The following PTPRJ variants were observed in gnomAD, a reference collection of about 807,000 sequenced individuals.
The protein encoded by PTPRJ is protein tyrosine phosphatase receptor type J.
In PTPRJ, 129 loss-of-function variants were observed where a neutral mutation model predicts 141.3. That is an observed-to-expected ratio of 0.91 (90% confidence interval 0.79 to 1.06). PTPRJ has a LOEUF of 1.06. Among genes scored for constraint, PTPRJ ranks in the 50% least tolerant of loss-of-function variants. The pLI, the probability that PTPRJ is intolerant of heterozygous loss-of-function variation, is 0.00. For synonymous variants in PTPRJ, 610 were observed against 640.5 expected (o/e 0.95, Z 0.72); for missense variants, 1,601 against 1,679.7 (o/e 0.95, Z 0.82).
intron 1 of PTPRJ, among the ~76,000 whole-genome samples, chr11:48,073,035 C>T (rs1855301258): frequency 6.6e-6 from 1 of 152,182 alleles, no homozygotes; most frequent in Admixed American, 6.5e-5. Flanking sequence ...TATATGTGTT[C>T]ATAGATACCA....
chr11:48,125,920 G>A (rs1856817838), intron 6 of PTPRJ, among the ~76,000 whole-genome samples: 2 of 152,112 alleles, frequency 1.3e-5, no homozygotes, highest in African/African-American at 2.4e-5. Flanking sequence ...GGGAGGATGC[G>A]GCCGTAGGAC....
At chr11:48,108,413 C>T (rs1565306578) in intron 1 of PTPRJ, among the ~76,000 whole-genome samples, 2 of 152,210 alleles carry the variant, frequency 1.3e-5, no homozygotes, top group East Asian at 1.9e-4. Flanking sequence ...TGGCACTGAA[C>T]GACTTCCTTC....
chr11:48,149,203 T>A (rs976864397), intron 15 of PTPRJ, among the ~76,000 whole-genome samples: 1 of 152,222 alleles, frequency 6.6e-6, no homozygotes, highest in Non-Finnish European at 1.5e-5. Context: ...GACTTGGATA[T>A]GATTTTTTTC....
chr11:48,091,244 T>C (rs1855860017), intron 1 of PTPRJ, among the ~76,000 whole-genome samples: 1 of 152,148 alleles, frequency 6.6e-6, no homozygotes, highest in South Asian at 2.1e-4. Flanking sequence ...TTTTCCCTCT[T>C]GTAAAATGGA....
intron 1 of PTPRJ, among the ~76,000 whole-genome samples, chr11:48,047,263 C>T (rs1396075510): frequency 6.6e-6 from 1 of 151,872 alleles, no homozygotes. Context: ...ATTATCAATC[C>T]TTTTGTTAAC....
intron 6 of PTPRJ, among the ~76,000 whole-genome samples, chr11:48,126,817 C>CGT (rs1856846414): frequency 6.8e-6 from 1 of 146,484 alleles, no homozygotes; most frequent in Admixed American, 6.7e-5. Flanking sequence ...CACACACACA[C>CGT]ACAGATAAAC....
chr11:48,118,706 A>T (rs1315049414), intron 3 of PTPRJ, among the ~76,000 whole-genome samples: 1 of 152,228 alleles, frequency 6.6e-6, no homozygotes, highest in African/African-American at 2.4e-5. Flanking sequence ...GAAACCATAC[A>T]ATCATTTCAG....
intron 1 of PTPRJ, among the ~76,000 whole-genome samples, chr11:48,070,181 G>T (rs970254819): frequency 3.3e-5 from 5 of 152,136 alleles, no homozygotes; most frequent in Non-Finnish European, 5.9e-5. Context: ...ATCCTTAAAG[G>T]TTAGCTCACC....
chr11:48,142,475 A>C (rs573198015), intron 11 of PTPRJ, among the ~76,000 whole-genome samples: 2 of 152,298 alleles, frequency 1.3e-5, no homozygotes, highest in East Asian at 3.8e-4. Context: ...ATCCATGAGC[A>C]TGGGATGTCT....
At chr11:48,126,160 C>T (rs1301131960) in intron 6 of PTPRJ, among the ~76,000 whole-genome samples, 1 of 152,136 alleles carries the variant, frequency 6.6e-6, no homozygotes, top group Non-Finnish European at 1.5e-5. Flanking sequence ...GCCATGCACC[C>T]AGGGCTGGGT....
At chr11:48,041,125 A>C (rs747370838) in intron 1 of PTPRJ, among the ~76,000 whole-genome samples, 2 of 151,818 alleles carry the variant, frequency 1.3e-5, no homozygotes, top group Admixed American at 1.3e-4. Flanking sequence ...TGAGCTCACT[A>C]TGCTGGGTTT....
chr11:47,992,126 G>A (rs184047622), intron 1 of PTPRJ, among the ~76,000 whole-genome samples: 8 of 151,730 alleles, frequency 5.3e-5, no homozygotes, highest in Admixed American at 5.3e-4. Flanking sequence ...GGTTTCATCT[G>A]TCTTTTGCAG....
chr11:48,087,587 G>C (rs1187003678), intron 1 of PTPRJ, among the ~76,000 whole-genome samples: 3 of 152,194 alleles, frequency 2.0e-5, no homozygotes, highest in Non-Finnish European at 4.4e-5. Flanking sequence ...AAGAACTTCA[G>C]GCTCAGAGAA....
chr11:47,992,991 T>G (rs1352443633), intron 1 of PTPRJ, among the ~76,000 whole-genome samples: 1 of 152,164 alleles, frequency 6.6e-6, no homozygotes, highest in Non-Finnish European at 1.5e-5. Flanking sequence ...TGGAGGTGGA[T>G]TCTGTTTCCA....
In PTPRJ at chr11:48,127,998, C is replaced by T; in HGVS notation, c.1312C>T (p.Leu438=). Residue 438 remains leucine (L), a synonymous_variant, in exon 7 of 25, where the codon CTA becomes TTA. Transcript: ENST00000418331. ...TFYNITVCPV[L]GDIEGTPGFL... ...CTACAACATCACAGTGTGTCCTGTC[C>T]TAGGTGACATCGAGGGCACGCCGGG... The T allele has an allele frequency of 6.2e-7, 1 of 1,613,974 alleles. No homozygotes were observed. Among genetic ancestry groups the T allele is most frequent in the South Asian group, 1.1e-5 (1 of 91,078 alleles).
In PTPRJ at chr11:47,980,906, G is replaced by A; in HGVS notation, c.-7G>A. Reference sequence around the variant, plus strand: ...GCGTCCGGGGCACGTTCCAGGGCGCGCGGGGCATGAAGCCGGCGGCGCGGG... The same window carrying A: ...GCGTCCGGGGCACGTTCCAGGGCGCACGGGGCATGAAGCCGGCGGCGCGGG... On this transcript the variant is annotated 5_prime_UTR_variant, in exon 1 of 25. Coordinates refer to ENST00000418331, the MANE Select transcript of PTPRJ (RefSeq NM_002843.4). 7 of 1,156,874 alleles carry A rather than the reference G, an allele frequency of 6.1e-6. No individual in the cohort carries two copies. The highest frequency in any genetic ancestry group is 7.4e-6 in the Non-Finnish European group (7 of 940,616). The allele number at this position is 1,156,874 out of a possible 1,614,324, so 71.7% of individuals were successfully genotyped here. A position where few individuals can be genotyped will look rare whatever the true frequency, so the allele number is the denominator to read the frequency against.
In PTPRJ at chr11:48,167,401, C is replaced by T. The variant is rs375419721; in HGVS notation, c.*39C>T. 3.3e-5 allele frequency: 52 copies of T among 1,593,864 alleles called. No homozygotes were observed. The highest frequency in any genetic ancestry group is 1.8e-4 in the African/African-American group (13 of 74,210). ...ACCTTTCTGGAGTGAACCAGACCGT[C>T]GCACCCACAGCGAAGGCACATGCCC... On this transcript the variant is annotated 3_prime_UTR_variant, in exon 25 of 25. Coordinates refer to ENST00000418331, the MANE Select transcript of PTPRJ (RefSeq NM_002843.4).
chr11:47,982,502 G>A (rs1853936922), intron 1 of PTPRJ, among the ~76,000 whole-genome samples: 1 of 152,044 alleles, frequency 6.6e-6, no homozygotes, highest in Admixed American at 6.6e-5. Flanking sequence ...GTCCATGTAA[G>A]GAAATTCAGG....
chr11:48,085,440 G>T (rs1855677412), intron 1 of PTPRJ, among the ~76,000 whole-genome samples: 1 of 152,090 alleles, frequency 6.6e-6, no homozygotes, highest in Admixed American at 6.6e-5. Context: ...CGCCTCCCGG[G>T]TTCAAAGGAT....
Sources: gnomAD v4.1 joint callset for allele counts (sites outside exome capture counted in the v4.1 genomes callset) on GRCh38, gnomAD v4.1.1 for gene constraint, MANE v1.5 for transcripts, NCBI Gene and HGNC (gene_info 2026-07-23, HGNC 2026-07-21) for gene names.